COL19A1: variants seen among roughly 807,000 people sequenced by gnomAD.
COL19A1 encodes collagen type XIX alpha 1 chain, also known as collagen alpha-1(XIX) chain.
A neutral mutation model predicts 190.2 loss-of-function variants in COL19A1; 159 were observed. The observed-to-expected ratio is 0.84, with a 90% confidence interval of 0.73 to 0.95. The LOEUF is 0.95. Ranked by LOEUF, COL19A1 falls within the 40% of genes least tolerant of loss-of-function variation. The pLI is 0.00. For synonymous variants in COL19A1, 509 were observed against 458.9 expected, an observed-to-expected ratio of 1.11 and a Z score of -1.39; for missense variants, 1,418 against 1,431.9, an observed-to-expected ratio of 0.99 and a Z score of 0.16.
chr6:69,915,613 G>A (rs1771240982), intron 4 of COL19A1, among the ~76,000 whole-genome samples: 1 of 152,172 alleles, frequency 6.6e-6, no homozygotes, highest in Non-Finnish European at 1.5e-5. Context: ...TGAATAGAAT[G>A]AAAGTTTACT....
chr6:70,156,784 G>C, intron 34 of COL19A1, 61 bp downstream of exon 34: 1 of 1,344,404 alleles, frequency 7.4e-7, no homozygotes, highest in South Asian at 1.3e-5. Flanking sequence ...TGGCTCAACA[G>C]AGTAAAAATG....
chr6:70,029,992 A>G (rs1778957421), intron 12 of COL19A1, among the ~76,000 whole-genome samples: 1 of 152,124 alleles, frequency 6.6e-6, no homozygotes, highest in African/African-American at 2.4e-5. Flanking sequence ...AGGAAAGCTT[A>G]CCCAACTTAC....
intron 15 of COL19A1, among the ~76,000 whole-genome samples, chr6:70,100,794 A>T (rs1449084533): frequency 2.0e-5 from 3 of 152,108 alleles, no homozygotes; most frequent in Non-Finnish European, 2.9e-5. Context: ...TTTAATTTTT[A>T]AAAAATTTTA....
At chr6:69,900,648 G>A (rs1318509156) in intron 4 of COL19A1, among the ~76,000 whole-genome samples, 2 of 151,926 alleles carry the variant, frequency 1.3e-5, no homozygotes, top group Admixed American at 1.3e-4. Flanking sequence ...GGTTTTTCAA[G>A]GTAAACATTA....
At chr6:70,162,622 T>C (rs959901700) in intron 35 of COL19A1, among the ~76,000 whole-genome samples, 12 of 152,212 alleles carry the variant, frequency 7.9e-5, no homozygotes, top group Non-Finnish European at 1.5e-4. Context: ...TATTGTGTTT[T>C]TATTTGCTAA....
intron 9 of COL19A1, among the ~76,000 whole-genome samples, chr6:69,951,915 C>A (rs930300422): frequency 6.6e-6 from 1 of 151,836 alleles, no homozygotes; most frequent in African/African-American, 2.4e-5. Context: ...TGCCCCTTTG[C>A]CATATTACCT....
chr6:70,010,347 CG>C (rs1777911877), intron 11 of COL19A1, among the ~76,000 whole-genome samples: 2 of 149,302 alleles, frequency 1.3e-5, no homozygotes, highest in African/African-American at 2.4e-5. Flanking sequence ...ACAAAGCAAA[CG>C]AGGGAGGAGC....
chr6:70,157,348 C>G (rs980112717), intron 34 of COL19A1, among the ~76,000 whole-genome samples: 1 of 152,116 alleles, frequency 6.6e-6, no homozygotes, highest in Non-Finnish European at 1.5e-5. Flanking sequence ...TGGTGATGCT[C>G]AGGACATCAT....
At chr6:70,155,293 T>A (rs988724595) in intron 31 of COL19A1, among the ~76,000 whole-genome samples, 13 of 152,160 alleles carry the variant, frequency 8.5e-5, no homozygotes, top group Non-Finnish European at 1.6e-4. Flanking sequence ...ACTTAAGTTG[T>A]CCTACCTTCT....
intron 46 of COL19A1, among the ~76,000 whole-genome samples, chr6:70,185,116 G>T (rs190494860): frequency 1.4e-3 from 206 of 152,308 alleles, no homozygotes; most frequent in Middle Eastern, 3.4e-3. Flanking sequence ...TATGTAGTTG[G>T]CCTTTGTACA....
chr6:70,155,458 T>C (rs997501197), intron 31 of COL19A1, among the ~76,000 whole-genome samples: 1 of 152,162 alleles, frequency 6.6e-6, no homozygotes, highest in Admixed American at 6.5e-5. Context: ...GTTTATCTTA[T>C]GAGCTCAGAC....
In COL19A1 at chr6:70,004,588, C is replaced by G. The variant is rs1777495586; in HGVS notation, c.1027-19039C>G. Among the ~76,000 whole-genome samples the G allele has an allele frequency of 2.0e-5, 3 of 152,056 alleles. No individual in the cohort carries two copies. The South Asian group carries it at 6.2e-4, about 31-fold the overall frequency. On this transcript the variant is annotated intron_variant, in intron 11 of 50. Transcript: ENST00000620364. ...GTTCATTCCTTTTCATTCTTTTTCT[C>G]TAATCTTATCTGCATGCCTTATGTT...
chr6:70,057,163 A>T (rs1780553575), intron 14 of COL19A1, among the ~76,000 whole-genome samples: 1 of 152,162 alleles, frequency 6.6e-6, no homozygotes, highest in African/African-American at 2.4e-5. Flanking sequence ...TCACGTGGCC[A>T]CTGACCTTTG....
chr6:69,879,636 C>T lies in COL19A1; in HGVS notation c.69C>T (p.Ser23=), dbSNP rs375883070. 13 of 1,614,098 alleles carry T rather than the reference C, an allele frequency of 8.1e-6. 1 individual carries two copies. Among genetic ancestry groups the T allele is most frequent in the Middle Eastern group, 3.3e-4 (2 of 6,062 alleles). The change falls in exon 2 of 51, where the codon TCC becomes TCT. Residue 23 remains serine, a synonymous_variant. Transcript: ENST00000620364. The part of the protein sequence containing the change: ...MSIFLLPAST[S]VTVRDKTEES... ...TATTTCTGCTTCCTGCTTCCACTTC[C>T]GTGACCGTTAGGGACAAGACAGGTA...
chr6:69,976,933 C>G (rs934887015), intron 11 of COL19A1, among the ~76,000 whole-genome samples: 2 of 152,132 alleles, frequency 1.3e-5, no homozygotes, highest in Admixed American at 6.5e-5. Context: ...TGAGGGAATC[C>G]TCTTACTAGA....
chr6:70,169,441 C>T (rs1467381813), intron 40 of COL19A1, among the ~76,000 whole-genome samples: 1 of 151,980 alleles, frequency 6.6e-6, no homozygotes, highest in Non-Finnish European at 1.5e-5. Flanking sequence ...CTTTCCATTG[C>T]CATGTGAAAA....
chr6:69,956,393 A>T (rs561706380), intron 9 of COL19A1, among the ~76,000 whole-genome samples: 6 of 152,138 alleles, frequency 3.9e-5, no homozygotes, highest in South Asian at 2.1e-4. Context: ...CTATATATAT[A>T]TTTTTAACTT....
At chr6:69,963,564 C>T (rs1469348837) in intron 11 of COL19A1, among the ~76,000 whole-genome samples, 1 of 152,176 alleles carries the variant, frequency 6.6e-6, no homozygotes, top group Non-Finnish European at 1.5e-5. Context: ...TCCCACTATC[C>T]TCTAGCCCTC....
At chr6:70,038,988 C>A (rs1302691388) in intron 14 of COL19A1, among the ~76,000 whole-genome samples, 1 of 151,336 alleles carries the variant, frequency 6.6e-6, no homozygotes, top group East Asian at 1.9e-4. Flanking sequence ...ACCCGGGAGG[C>A]GGTTGCAGTG....
Sources: allele counts gnomAD v4.1 joint callset (sites outside exome capture counted in the v4.1 genomes callset), GRCh38; gene constraint gnomAD v4.1.1; transcripts MANE v1.5; gene names NCBI Gene and HGNC (gene_info 2026-07-23, HGNC 2026-07-21).